Variants in PCDHA1 observed in about 807,000 individuals in gnomAD.
PCDHA1 encodes protocadherin alpha-1.
PCDHA1 carries 42 observed loss-of-function variants against 61.3 expected under a neutral mutation model. The observed-to-expected ratio is 0.69, with a 90% CI of 0.54 to 0.89. The LOEUF (loss-of-function observed/expected upper bound fraction) is 0.89, where lower values mean the gene tolerates loss of function less well. PCDHA1 is among the 40% of genes least tolerant of loss of function. The pLI is 0.00. For synonymous variants in PCDHA1, 610 were observed against 553.8 expected, an observed-to-expected ratio of 1.10 and a Z score of -1.43; for missense variants, 1,256 against 1,235.3, an observed-to-expected ratio of 1.02 and a Z score of -0.25.
intron 1 of PCDHA1, chr5:140,829,202 C>T (rs2150163765): frequency 5.0e-6 from 8 of 1,614,106 alleles, no homozygotes; most frequent in Non-Finnish European, 3.4e-6. Context: ...TGTCATCGCC[C>T]TAATTAGCGT....
intron 1 of PCDHA1, chr5:140,841,941 C>T (rs2150325943): frequency 1.3e-5 from 21 of 1,613,918 alleles, no homozygotes; most frequent in Non-Finnish European, 1.8e-5. Context: ...GACGCTCCTG[C>T]GCACCACTTA....
At chr5:140,893,768 CT>C (rs1171880038) in intron 1 of PCDHA1, among the ~76,000 whole-genome samples, 1 of 152,132 alleles carries the variant, frequency 6.6e-6, no homozygotes, top group Non-Finnish European at 1.5e-5. Flanking sequence ...TGACTTGTCA[CT>C]TTTCTTTTAC....
chr5:140,870,085 C>A, intron 1 of PCDHA1: 1 of 1,613,862 alleles, frequency 6.2e-7, no homozygotes, highest in Non-Finnish European at 8.5e-7. Context: ...GGGGACTCCC[C>A]CAATGGCAGG....
intron 1 of PCDHA1, chr5:140,834,122 A>T: frequency 2.3e-6 from 1 of 435,094 alleles, no homozygotes. Flanking sequence ...TTGAAATAAA[A>T]CTTTTCATCT....
intron 1 of PCDHA1, chr5:140,803,073 C>A (rs782642335): frequency 2.5e-6 from 4 of 1,613,942 alleles, no homozygotes; most frequent in Non-Finnish European, 3.4e-6. Context: ...TCGCGTGGGG[C>A]TGTACACGGG....
rs17844298 is a variant in PCDHA1, at chr5:140,823,840, G to C, written c.2394+35156G>C. On this transcript the variant is annotated intron_variant, in intron 1 of 3. Transcript: ENST00000504120. ...GGCGTCGGCGGGCGCTGTGGGTCCC[G>C]AGGCTGCCCTGGTGGATGTCAACGT... 1.5e-3 allele frequency: 2,499 copies of C among 1,613,840 alleles called. 57 individuals carry two copies. The East Asian group carries it at 0.044, about 28-fold the overall frequency.
chr5:140,832,937 G>A (rs1470692327), intron 1 of PCDHA1, among the ~76,000 whole-genome samples: 1 of 152,104 alleles, frequency 6.6e-6, no homozygotes, highest in African/African-American at 2.4e-5. Flanking sequence ...TGAGAAGAGA[G>A]TAACTTAAGT....
chr5:140,842,111 C>T, intron 1 of PCDHA1: 1 of 1,613,876 alleles, frequency 6.2e-7, no homozygotes, highest in Non-Finnish European at 8.5e-7. Context: ...AGTTATCAAA[C>T]TGAATGCTTC....
intron 1 of PCDHA1, chr5:140,876,583 C>T: frequency 1.9e-6 from 3 of 1,614,194 alleles, no homozygotes; most frequent in Non-Finnish European, 2.5e-6. Flanking sequence ...CGTCATTGCC[C>T]TGATTAGCGT....
At chr5:140,978,799 A>C (rs2096824173) in intron 1 of PCDHA1, 150 bp from the exon 2 acceptor site, 2 of 1,479,066 alleles carry the variant, frequency 1.4e-6, no homozygotes, top group East Asian at 4.9e-5. Flanking sequence ...ATATATGTAG[A>C]TATCATCATA....
chr5:140,857,463 A>G (rs782545869), intron 1 of PCDHA1: 3 of 1,598,592 alleles, frequency 1.9e-6, no homozygotes, highest in Non-Finnish European at 2.6e-6. Context: ...CCAGGCTGCC[A>G]CATCTTCACG....
Position 140,922,401 on chromosome 5 carries a change from A to T in PCDHA1, c.2395-56548A>T, listed in dbSNP as rs1290862669. On this transcript the variant is annotated intron_variant, in intron 1 of 3. Transcript: ENST00000504120. ...AACCAAAGACTCCTTGTTTTGGATT[A>T]AAAAGATCTAGGTACAGAGGCTGAG... 2.6e-5 allele frequency among the ~76,000 whole-genome samples: 4 copies of T among 152,234 alleles called. No individual in the cohort carries two copies. In the East Asian group the frequency reaches 7.7e-4, roughly 29 times the overall value.
chr5:140,997,820 T>C (rs2097787131), intron 3 of PCDHA1, among the ~76,000 whole-genome samples: 1 of 152,170 alleles, frequency 6.6e-6, no homozygotes. Flanking sequence ...GGTATCTATG[T>C]TTTCTAAACA....
At chr5:140,837,512 T>G (rs1554136488) in intron 1 of PCDHA1, among the ~76,000 whole-genome samples, 2 of 96,740 alleles carry the variant, frequency 2.1e-5, no homozygotes, top group African/African-American at 1.1e-4. Context: ...TCTGAAGCAG[T>G]TTACTTTTTT....
chr5:140,864,887 G>T (rs2048644726), intron 1 of PCDHA1: 1 of 152,148 alleles, frequency 6.6e-6, no homozygotes, highest in African/African-American at 2.4e-5. Flanking sequence ...TGTTCATTAA[G>T]CTGCATGGTC....
At chr5:140,796,982 G>A (rs1422605592) in intron 1 of PCDHA1, 4 of 1,613,794 alleles carry the variant, frequency 2.5e-6, no homozygotes, top group Middle Eastern at 1.6e-4. Flanking sequence ...GTGGAAAGTG[G>A]CCAGGCACCC....
At position 140,786,160 on chromosome 5, in the gene PCDHA1, G is replaced by A; in HGVS notation, c.-131G>A. 8.5e-7 allele frequency: 1 copy of A among 1,178,060 alleles called. No homozygotes were observed. Among genetic ancestry groups the A allele is most frequent in the Non-Finnish European group, 1.2e-6 (1 of 834,786 alleles). 73.0% of individuals were successfully genotyped at this position (1,178,060 alleles called of 1,614,324 possible). On this transcript the variant is annotated 5_prime_UTR_variant, in exon 1 of 4. Coordinates refer to ENST00000504120, the MANE Select transcript of PCDHA1 (RefSeq NM_018900.4). ...GAGCTACTGATCACTAAAAGTGAAG[G>A]AGGAAGCTCCATTTTGTCACCGCCT... is the stretch of plus-strand genomic sequence containing the variant.
chr5:140,970,471 G>T (rs773565871), intron 1 of PCDHA1, among the ~76,000 whole-genome samples: 1 of 152,142 alleles, frequency 6.6e-6, no homozygotes, highest in African/African-American at 2.4e-5. Context: ...TAGGTATAAG[G>T]CCAGCTTGTT....
intron 1 of PCDHA1, chr5:140,830,908 T>C (rs1771286150): frequency 6.6e-6 from 1 of 152,406 alleles, no homozygotes; most frequent in East Asian, 1.9e-4. Context: ...TTTTACACTT[T>C]CCATTTCAAT....
Sources: gnomAD v4.1 joint callset for allele counts (sites outside exome capture counted in the v4.1 genomes callset) on GRCh38, gnomAD v4.1.1 for gene constraint, MANE v1.5 for transcripts, NCBI Gene and HGNC (gene_info 2026-07-23, HGNC 2026-07-21) for gene names.